Variants in SGCZ observed in about 807,000 individuals in gnomAD.
SGCZ encodes the protein sarcoglycan zeta, also known as zeta-sarcoglycan.
In SGCZ, 40 loss-of-function variants were observed where a neutral mutation model predicts 41.3. That is an observed-to-expected ratio of 0.97 (90% CI 0.75 to 1.26). The LOEUF (loss-of-function observed/expected upper bound fraction) is 1.26, where lower values mean the gene tolerates loss of function less well. Among genes scored for constraint, SGCZ ranks in the 50% most tolerant of loss-of-function variants. The pLI is 0.00. For synonymous variants in SGCZ, 206 were observed against 137.5 expected, an observed-to-expected ratio of 1.50 and a Z score of -3.49; for missense variants, 552 against 369.8, an observed-to-expected ratio of 1.49 and a Z score of -4.04.
At chr8:14,314,437 C>T (rs979779519) in intron 3 of SGCZ, among the ~76,000 whole-genome samples, 6 of 152,008 alleles carry the variant, frequency 3.9e-5, no homozygotes, top group Non-Finnish European at 8.8e-5. Context: ...TGTGAATTGT[C>T]AGAAAACAAT....
At chr8:14,905,855 G>A (rs1160232369) in intron 1 of SGCZ, among the ~76,000 whole-genome samples, 2 of 150,712 alleles carry the variant, frequency 1.3e-5, no homozygotes, top group African/African-American at 4.9e-5. Context: ...GAACACATAC[G>A]GAAAACAATA....
At chr8:14,959,684 TCAG>T (rs1338009883) in intron 1 of SGCZ, among the ~76,000 whole-genome samples, 3 of 152,182 alleles carry the variant, frequency 2.0e-5, no homozygotes, top group African/African-American at 7.2e-5. Context: ...GGTAGTCCAT[TCAG>T]AACAAACTGT....
At chr8:14,936,780 C>T (rs560134677) in intron 1 of SGCZ, among the ~76,000 whole-genome samples, 12 of 151,340 alleles carry the variant, frequency 7.9e-5, no homozygotes, top group Non-Finnish European at 1.2e-4. Context: ...AAATGAGATT[C>T]GAAATTATGA....
At chr8:14,877,197 C>T (rs1163082353) in intron 1 of SGCZ, among the ~76,000 whole-genome samples, 7 of 152,030 alleles carry the variant, frequency 4.6e-5, no homozygotes, top group African/African-American at 2.4e-5. Flanking sequence ...GGGTCTTGAT[C>T]TCCTGACATC....
At chr8:14,470,623 T>C (rs1044565838) in intron 2 of SGCZ, among the ~76,000 whole-genome samples, 1 of 152,154 alleles carries the variant, frequency 6.6e-6, no homozygotes, top group Non-Finnish European at 1.5e-5. Flanking sequence ...CTGTCCAAGT[T>C]TATTTCTGAG....
intron 1 of SGCZ, among the ~76,000 whole-genome samples, chr8:14,835,654 C>T (rs761322306): frequency 6.6e-6 from 1 of 152,184 alleles, no homozygotes; most frequent in Non-Finnish European, 1.5e-5. Context: ...GATATTCCAC[C>T]ATTTATCATT....
intron 2 of SGCZ, among the ~76,000 whole-genome samples, chr8:14,329,131 T>C (rs1802226785): frequency 6.6e-6 from 1 of 152,316 alleles, no homozygotes; most frequent in East Asian, 1.9e-4. Context: ...CTAGGGCACA[T>C]GTGATTTACC....
chr8:14,925,001 G>A (rs1422041696), intron 1 of SGCZ, among the ~76,000 whole-genome samples: 2 of 151,866 alleles, frequency 1.3e-5, no homozygotes, highest in African/African-American at 4.8e-5. Context: ...GCAATTACAG[G>A]TGCGGGCCTC....
At chr8:14,461,450 T>C (rs372854521) in intron 2 of SGCZ, among the ~76,000 whole-genome samples, 1 of 152,120 alleles carries the variant, frequency 6.6e-6, no homozygotes, top group African/African-American at 2.4e-5. Context: ...AAATGGGTAC[T>C]GTAGAGCCTT....
In SGCZ at chr8:14,387,255, T is replaced by A. The variant is rs1804607920; in HGVS notation, c.235-63051A>T. Among the ~76,000 whole-genome samples, 4 of 152,166 alleles carry A rather than the reference T, an allele frequency of 2.6e-5. No individual in the cohort carries two copies. The South Asian group carries it at 8.3e-4, about 31-fold the overall frequency. On this transcript the variant is annotated intron_variant, in intron 2 of 7. Transcript: ENST00000382080. ...TTCGGAAATACAGTGTCTTGCTCTG[T>A]TGCCCAGACTGGCCTCGAACTCTTG...
At chr8:14,580,294 G>C (rs541113645) in intron 1 of SGCZ, among the ~76,000 whole-genome samples, 5 of 152,260 alleles carry the variant, frequency 3.3e-5, no homozygotes, top group Non-Finnish European at 5.9e-5. Context: ...ATAAATTGTA[G>C]AATTGTGTAC....
In SGCZ at chr8:14,879,095, T is replaced by C. The variant is rs111323170; in HGVS notation, c.40-324169A>G. The C allele has an allele frequency of 5.4e-4, 82 of 151,948 alleles. 1 individual carries two copies. The highest frequency in any genetic ancestry group is 1.9e-3 in the African/African-American group (78 of 41,408). 9.4% of individuals were successfully genotyped at this position (151,948 alleles called of 1,614,324 possible). Reference sequence around the variant, plus strand: ...ATTCCAACACTTTGGGAGGATGAGGTGGGAGGATAGCTTGAGCTCAGGAAT... The same window carrying C: ...ATTCCAACACTTTGGGAGGATGAGGCGGGAGGATAGCTTGAGCTCAGGAAT... On this transcript the variant is annotated intron_variant, in intron 1 of 7. Transcript: ENST00000382080.
chr8:14,910,656 G>A (rs1033864331), intron 1 of SGCZ, among the ~76,000 whole-genome samples: 7 of 151,516 alleles, frequency 4.6e-5, no homozygotes, highest in South Asian at 4.2e-4. Context: ...AGAAAACATC[G>A]GTAAAGTAAA....
chr8:14,463,826 A>C (rs1432976963), intron 2 of SGCZ, among the ~76,000 whole-genome samples: 1 of 151,426 alleles, frequency 6.6e-6, no homozygotes, highest in Non-Finnish European at 1.5e-5. Flanking sequence ...TTATTATGAC[A>C]GTGTGTTAAG....
intron 2 of SGCZ, among the ~76,000 whole-genome samples, chr8:14,411,218 G>C (rs57202877): frequency 0.013 from 1,974 of 152,102 alleles, 45 homozygotes; most frequent in African/African-American, 0.043. Flanking sequence ...TCTCTCCTTA[G>C]AAACAGCCCT....
At chr8:14,457,631 A>G (rs548720553) in intron 2 of SGCZ, among the ~76,000 whole-genome samples, 383 of 152,324 alleles carry the variant, frequency 2.5e-3, no homozygotes, top group African/African-American at 7.7e-3. Flanking sequence ...TCCAGATAGC[A>G]GTAGTAAATT....
chr8:15,003,882 C>A (rs1464044060), intron 1 of SGCZ, among the ~76,000 whole-genome samples: 2 of 152,100 alleles, frequency 1.3e-5, no homozygotes, highest in African/African-American at 4.8e-5. Flanking sequence ...TTTAGAAACC[C>A]TACCGGGGTC....
At chr8:15,062,510 G>A (rs1041015563) in intron 1 of SGCZ, among the ~76,000 whole-genome samples, 1 of 152,100 alleles carries the variant, frequency 6.6e-6, no homozygotes, top group African/African-American at 2.4e-5. Context: ...AATAGAAATA[G>A]TCAAGTAGTC....
At chr8:15,116,169 C>T (rs1490056923) in intron 1 of SGCZ, among the ~76,000 whole-genome samples, 1 of 152,166 alleles carries the variant, frequency 6.6e-6, no homozygotes, top group African/African-American at 2.4e-5. Context: ...AATGGTGCTA[C>T]ATCCCATACA....
Sources: gnomAD v4.1 joint callset for allele counts (sites outside exome capture counted in the v4.1 genomes callset) on GRCh38, gnomAD v4.1.1 for gene constraint, MANE v1.5 for transcripts, NCBI Gene and HGNC (gene_info 2026-07-23, HGNC 2026-07-21) for gene names.